The following CNGB1 variants were observed in gnomAD, a reference collection of about 807,000 sequenced individuals.
The protein encoded by CNGB1 is cyclic nucleotide-gated channel beta-1.
Under a neutral mutation model 151.7 loss-of-function variants are expected in CNGB1, and 126 were observed. The observed-to-expected ratio is 0.83, with a 90% CI of 0.72 to 0.96. CNGB1 has a LOEUF of 0.96. Among genes scored for constraint, CNGB1 ranks in the 40% least tolerant of loss-of-function variants. The pLI is 0.00. For missense variants in CNGB1, 1,698 were observed against 1,627.0 expected (o/e 1.04, Z -0.75); for synonymous variants, 623 against 635.1 (o/e 0.98, Z 0.29).
Position 57,950,500 on chromosome 16 carries a change from G to A in CNGB1, c.915C>T (p.Val305=). Reference sequence around the variant, plus strand: ...CCCAGGGCGGTTCAACCTCCTCTAGGACAAGGTCAGGCTCCACTTGTCCTC... The same window carrying A: ...CCCAGGGCGGTTCAACCTCCTCTAGAACAAGGTCAGGCTCCACTTGTCCTC... ...LPGGQVEPDL[V]LEEVEPPWED... is the part of the protein sequence containing the mutation. The change falls in exon 13 of 33, where the codon GTC becomes GTT. Residue 305 remains valine (V), a synonymous_variant. Transcript: ENST00000251102. The A allele has an allele frequency of 6.2e-7, 1 of 1,614,190 alleles. No individual in the cohort carries two copies. Among genetic ancestry groups the A allele is most frequent in the Non-Finnish European group, 8.5e-7 (1 of 1,180,038 alleles).
At chr16:57,918,097 C>T (rs941110473) in intron 20 of CNGB1, among the ~76,000 whole-genome samples, 1 of 149,010 alleles carries the variant, frequency 6.7e-6, no homozygotes. Context: ...ATGGGTATTC[C>T]AGATCATCTG....
At chr16:57,893,155 G>C (rs1567363581) in intron 31 of CNGB1, among the ~76,000 whole-genome samples, 1 of 152,214 alleles carries the variant, frequency 6.6e-6, no homozygotes, top group Non-Finnish European at 1.5e-5. Context: ...GGGAAAATAA[G>C]AATGTGTGAT....
intron 31 of CNGB1, among the ~76,000 whole-genome samples, chr16:57,891,654 T>C (rs1960093328): frequency 6.6e-6 from 1 of 151,884 alleles, no homozygotes; most frequent in Non-Finnish European, 1.5e-5. Flanking sequence ...CCTCCCAGGG[T>C]CAAGCCATTC....
Position 57,883,521 on chromosome 16 carries a change from C to G in CNGB1, c.*643G>C. ...TCCTGGGCTCAAGCCATCCTCCTGC[C>G]TCAACCTCTCCAGTAGCTGGGACTA... is the stretch of plus-strand genomic sequence containing the variant. On this transcript the variant is annotated 3_prime_UTR_variant, in exon 33 of 33. Transcript: ENST00000251102. 6.3e-6 allele frequency: 1 copy of G among 159,960 alleles called. No individual in the cohort carries two copies. Among genetic ancestry groups the G allele is most frequent in the Non-Finnish European group, 1.4e-5 (1 of 73,782 alleles). The allele number at this position is 159,960 out of a possible 1,614,324, so 9.9% of individuals were successfully genotyped here. A position where few individuals can be genotyped will look rare whatever the true frequency, so the allele number is the denominator to read the frequency against.
chr16:57,933,202 A>G (rs1156506211), intron 16 of CNGB1, among the ~76,000 whole-genome samples: 1 of 152,246 alleles, frequency 6.6e-6, no homozygotes, highest in Non-Finnish European at 1.5e-5. Context: ...TGCTGGGATT[A>G]CAGGCGTGAG....
In CNGB1 at chr16:57,963,012, G is replaced by A; in HGVS notation, c.343C>T (p.Pro115Ser). The change falls in exon 5 of 33, where the codon CCG becomes TCG. Residue 115 changes from proline (P) to serine (S), a missense_variant. Coordinates refer to ENST00000251102, the MANE Select transcript of CNGB1 (RefSeq NM_001297.5). ...WLMKGVEKVI[P>S]QPVHSITEDP... Reference sequence around the variant, plus strand: ...TCCGTGATGCTGTGAACAGGCTGCGGGATCACCTTCTCTACGCCCTTCATG... The same window carrying A: ...TCCGTGATGCTGTGAACAGGCTGCGAGATCACCTTCTCTACGCCCTTCATG... The A allele has an allele frequency of 6.2e-7, 1 of 1,613,494 alleles. No homozygotes were observed. The highest frequency in any genetic ancestry group is 1.7e-5 in the Admixed American group (1 of 60,032).
At position 57,884,009 on chromosome 16, in the gene CNGB1, G is replaced by A; in HGVS notation, c.*155C>T. On this transcript the variant is annotated 3_prime_UTR_variant, in exon 33 of 33. Coordinates refer to ENST00000251102, the MANE Select transcript of CNGB1 (RefSeq NM_001297.5). ...GAGCTGAGTCGGGGCTGGCGTGCTG[G>A]CGGGACGGTCAGAGCTGCAGCCACT... 9.5e-7 allele frequency: 1 copy of A among 1,051,332 alleles called. No individual in the cohort carries two copies. The allele number at this position is 1,051,332 out of a possible 1,614,324, so 65.1% of individuals were successfully genotyped here.
intron 17 of CNGB1, among the ~76,000 whole-genome samples, chr16:57,925,363 G>C (rs1961155748): frequency 6.6e-6 from 1 of 152,180 alleles, no homozygotes; most frequent in South Asian, 2.1e-4. Context: ...TGCAAGAATA[G>C]ACTAATACAG....
chr16:57,904,465 C>T (rs1321249886), intron 26 of CNGB1, among the ~76,000 whole-genome samples: 1 of 152,170 alleles, frequency 6.6e-6, no homozygotes, highest in Non-Finnish European at 1.5e-5. Context: ...GGGCTTCTCC[C>T]TCGGTCTCTG....
At chr16:57,965,621 T>C (rs1421751840) in intron 2 of CNGB1, among the ~76,000 whole-genome samples, 1 of 152,108 alleles carries the variant, frequency 6.6e-6, no homozygotes, top group Non-Finnish European at 1.5e-5. Context: ...AAAATGTGTA[T>C]ATATACACAT....
chr16:57,951,646 A>G (rs1961951211), intron 12 of CNGB1, among the ~76,000 whole-genome samples: 1 of 152,216 alleles, frequency 6.6e-6, no homozygotes, highest in African/African-American at 2.4e-5. Context: ...AGCACTTACT[A>G]TGTTCCAGGC....
Position 57,923,283 on chromosome 16 carries a change from T to A in CNGB1, c.1633A>T (p.Lys545Ter), listed in dbSNP as rs777037205. The A allele has an allele frequency of 6.2e-7, 1 of 1,609,276 alleles. No individual in the cohort carries two copies. The highest frequency in any genetic ancestry group is 8.5e-7 in the Non-Finnish European group (1 of 1,178,508). Reference sequence around the variant, plus strand: ...CCAGAGGGGTCTCACTCAGTGTCCTTCGGGGTGGTGGGGTCAGACCAGGCA... The same window carrying A: ...CCAGAGGGGTCTCACTCAGTGTCCTACGGGGTGGTGGGGTCAGACCAGGCA... ...VVAWSDPTTPKDTDGQDRAAS... is the reference protein window; with the variant it reads ...VVAWSDPTTP Residue 545 changes from lysine (K) to a stop codon, truncating the protein, a stop_gained, in exon 18 of 33, where the codon AAG becomes TAG. Coordinates refer to ENST00000251102, the MANE Select transcript of CNGB1 (RefSeq NM_001297.5). LOFTEE classifies it high-confidence loss of function.
intron 14 of CNGB1, chr16:57,946,464 G>C (rs1961812835): frequency 6.6e-6 from 1 of 152,388 alleles, no homozygotes; most frequent in South Asian, 2.1e-4. Flanking sequence ...TCCCAAGCCT[G>C]GGTCGGTGCA....
intron 14 of CNGB1, among the ~76,000 whole-genome samples, chr16:57,945,343 G>A (rs975859146): frequency 3.9e-5 from 6 of 152,194 alleles, no homozygotes; most frequent in South Asian, 2.1e-4. Context: ...GTTCTGTCTC[G>A]GCTCTCTGCC....
intron 16 of CNGB1, among the ~76,000 whole-genome samples, chr16:57,936,816 A>G (rs1961523882): frequency 6.6e-6 from 1 of 151,966 alleles, no homozygotes; most frequent in South Asian, 2.1e-4. Flanking sequence ...AAAACAAAAG[A>G]AAAGAGAGAA....
intron 10 of CNGB1, 43 bp from the exon 11 acceptor site, chr16:57,958,528 C>A: frequency 6.5e-7 from 1 of 1,546,892 alleles, no homozygotes; most frequent in South Asian, 1.1e-5. Context: ...TGGGAAGGGT[C>A]ATGGGTAAAC....
At chr16:57,915,204 C>A in intron 23 of CNGB1, 45 bp downstream of exon 23, 1 of 1,497,582 alleles carries the variant, frequency 6.7e-7, no homozygotes, top group Non-Finnish European at 9.3e-7. Context: ...CGGTGCAGAG[C>A]AGGGATGAGC....
intron 2 of CNGB1, among the ~76,000 whole-genome samples, chr16:57,965,364 T>A (rs1962367578): frequency 6.6e-6 from 1 of 152,208 alleles, no homozygotes; most frequent in South Asian, 2.1e-4. Flanking sequence ...TATGCAAACG[T>A]GCATATACAC....
intron 29 of CNGB1, among the ~76,000 whole-genome samples, chr16:57,898,472 G>A (rs1006887294): frequency 2.6e-4 from 40 of 152,226 alleles, no homozygotes; most frequent in African/African-American, 7.7e-4. Context: ...CTGCCTCCTG[G>A]GTTCAAGCAA....
Sources: allele counts gnomAD v4.1 joint callset (sites outside exome capture counted in the v4.1 genomes callset), GRCh38; gene constraint gnomAD v4.1.1; transcripts MANE v1.5; gene names NCBI Gene and HGNC (gene_info 2026-07-23, HGNC 2026-07-21).